ALPK2: variants seen among roughly 807,000 people sequenced by gnomAD.
ALPK2 encodes alpha-protein kinase 2.
ALPK2 carries 127 observed loss-of-function variants against 163.1 expected under a neutral mutation model. The observed-to-expected ratio is 0.78, with a 90% CI of 0.67 to 0.90. The LOEUF is 0.90. Among genes scored for constraint, ALPK2 ranks in the 40% least tolerant of loss-of-function variants. The pLI, the probability that ALPK2 is intolerant of heterozygous loss-of-function variation, is 0.00. For synonymous variants in ALPK2, 953 were observed against 959.1 expected, an observed-to-expected ratio of 0.99 and a Z score of 0.12; for missense variants, 2,360 against 2,589.6, an observed-to-expected ratio of 0.91 and a Z score of 1.92.
intron 12 of ALPK2, among the ~76,000 whole-genome samples, chr18:58,488,818 C>T (rs1369505066): frequency 2.6e-5 from 4 of 151,988 alleles, no homozygotes; most frequent in African/African-American, 9.7e-5. Context: ...CCAGGCTGGA[C>T]TTAGGCTCCG....
chr18:58,617,973 C>T (rs572825812), intron 1 of ALPK2, among the ~76,000 whole-genome samples: 1 of 152,198 alleles, frequency 6.6e-6, no homozygotes, highest in Non-Finnish European at 1.5e-5. Flanking sequence ...TCCTTAGACA[C>T]ATAACTGGTC....
rs779097128 is a variant in ALPK2, at chr18:58,535,512, TG to T, written c.4674del (p.His1558GlnfsTer15). On this transcript the variant is annotated frameshift_variant, in exon 5 of 13. Transcript: ENST00000361673. ...ACGTCATGAATTTGGCCTGTGGAGT[TG>T]TGCGTGTCAACCCCAAGAGAAGCGT... ...MTHASLGVDT[H>X]NSTGQIHDVP... is the part of the protein sequence containing the mutation. 6.2e-7 allele frequency: 1 copy of T among 1,614,198 alleles called. No homozygotes were observed. The highest frequency in any genetic ancestry group is 8.5e-7 in the Non-Finnish European group (1 of 1,180,004).
intron 3 of ALPK2, among the ~76,000 whole-genome samples, chr18:58,589,998 A>T (rs1251477411): frequency 6.6e-6 from 1 of 151,928 alleles, no homozygotes; most frequent in African/African-American, 2.4e-5. Flanking sequence ...CAGGTGGATC[A>T]CTTGAGGTCA....
chr18:58,605,610 G>A (rs897727255), intron 3 of ALPK2, among the ~76,000 whole-genome samples: 2 of 152,210 alleles, frequency 1.3e-5, no homozygotes, highest in East Asian at 1.9e-4. Flanking sequence ...GATCAAAGGA[G>A]AAGAGAATGT....
chr18:58,520,757 C>G (rs1003459318), intron 8 of ALPK2, among the ~76,000 whole-genome samples: 1 of 152,084 alleles, frequency 6.6e-6, no homozygotes, highest in East Asian at 1.9e-4. Flanking sequence ...AATTAGAGAC[C>G]ATCTTGTAAA....
intron 5 of ALPK2, among the ~76,000 whole-genome samples, chr18:58,533,266 T>C (rs114635705): frequency 7.6e-4 from 116 of 152,242 alleles, no homozygotes; most frequent in African/African-American, 2.7e-3. Flanking sequence ...CTCTTACCCA[T>C]GGGTAACTTG....
Position 58,536,232 on chromosome 18 carries a change from G to T in ALPK2, c.3955C>A (p.Pro1319Thr), listed in dbSNP as rs1342928024. ...CTTCTCCAATGTACACTGATGGTGG[G>T]CTCTTCGCCTTTATGGCTTTCTCTG... is the stretch of plus-strand genomic sequence containing the variant. ...DSRESHKGEE[P>T]TISVHWRSLS... is the part of the protein sequence containing the mutation. The change falls in exon 5 of 13, where the codon CCC becomes ACC. Residue 1319 changes from proline to threonine, a missense_variant. Physicochemically the swap from Pro to Thr is conservative, Grantham distance 38. Transcript: ENST00000361673. 9 of 1,614,070 alleles carry T rather than the reference G, an allele frequency of 5.6e-6. No individual in the cohort carries two copies. Among genetic ancestry groups the T allele is most frequent in the Non-Finnish European group, 7.6e-6 (9 of 1,180,036 alleles).
intron 1 of ALPK2, among the ~76,000 whole-genome samples, chr18:58,622,523 A>G (rs2052207296): frequency 6.6e-6 from 1 of 152,180 alleles, no homozygotes; most frequent in Admixed American, 6.5e-5. Context: ...CATGTACTGC[A>G]TTGAAAGGAT....
At chr18:58,603,438 G>A (rs911742778) in intron 3 of ALPK2, among the ~76,000 whole-genome samples, 7 of 152,172 alleles carry the variant, frequency 4.6e-5, no homozygotes, top group Admixed American at 1.3e-4. Flanking sequence ...CAGCCTAGCC[G>A]ATGCCAGGGC....
rs538412251 is a variant in ALPK2, at chr18:58,567,300, C to T, written c.1962+11514G>A. 5.9e-5 allele frequency among the ~76,000 whole-genome samples: 9 copies of T among 152,102 alleles called. 1 individual carries two copies. The South Asian group carries it at 1.9e-3, about 32-fold the overall frequency. ...TCGGAAGGCTGAGACAAGAGAATCG[C>T]TTGAACCTGGGAGGCGGAGGTTGCA... is the stretch of plus-strand genomic sequence containing the variant. On this transcript the variant is annotated intron_variant, in intron 4 of 12. Coordinates refer to ENST00000361673, the MANE Select transcript of ALPK2 (RefSeq NM_052947.4).
At chr18:58,607,726 T>G (rs1267312783) in intron 2 of ALPK2, among the ~76,000 whole-genome samples, 7 of 152,192 alleles carry the variant, frequency 4.6e-5, no homozygotes, top group Non-Finnish European at 8.8e-5. Flanking sequence ...AGAAAAATTT[T>G]CCAATACTTG....
At chr18:58,598,622 A>G (rs2052052984) in intron 3 of ALPK2, among the ~76,000 whole-genome samples, 1 of 152,140 alleles carries the variant, frequency 6.6e-6, no homozygotes. Flanking sequence ...CTCTCGCTAC[A>G]TCGTCGGGGC....
intron 6 of ALPK2, among the ~76,000 whole-genome samples, chr18:58,526,032 G>A (rs1314644010): frequency 6.0e-5 from 9 of 149,788 alleles, no homozygotes; most frequent in Non-Finnish European, 1.0e-4. Flanking sequence ...GGAGGAAATG[G>A]ACAAACAGAA....
At chr18:58,538,294 C>T in intron 4 of ALPK2, 70 bp from the exon 5 acceptor site, 7 of 1,347,892 alleles carry the variant, frequency 5.2e-6, no homozygotes, top group Non-Finnish European at 7.1e-6. Flanking sequence ...TAACTGCAAT[C>T]CCAAGAGTGT....
chr18:58,499,474 G>A (rs1334558888), intron 11 of ALPK2, among the ~76,000 whole-genome samples: 2 of 152,186 alleles, frequency 1.3e-5, no homozygotes, highest in Non-Finnish European at 2.9e-5. Flanking sequence ...GGAAAGTAAA[G>A]CACTTCCCTG....
intron 12 of ALPK2, among the ~76,000 whole-genome samples, chr18:58,495,030 CTGCCCCATGCCCCA>C (rs72279315): frequency 6.6e-5 from 10 of 151,552 alleles, no homozygotes; most frequent in Non-Finnish European, 8.8e-5. Flanking sequence ...AGCAAGCAGG[CTGCCCCATGCCCCA>C]TGCCCCATGC....
At chr18:58,511,418 T>C (rs2051489775) in intron 10 of ALPK2, among the ~76,000 whole-genome samples, 1 of 152,196 alleles carries the variant, frequency 6.6e-6, no homozygotes, top group Admixed American at 6.5e-5. Flanking sequence ...GGTGAACCCA[T>C]CCAGCGGTTA....
rs558401236 is a variant in ALPK2, at chr18:58,523,498, C to A, written c.5665+308G>T. On this transcript the variant is annotated intron_variant, in intron 8 of 12. Transcript: ENST00000361673. ...CCCTGAGGAATCACCACACCGACTT[C>A]CACAATGGTTGAACTAGTTTACAGT... Among the ~76,000 whole-genome samples, 39 of 152,294 alleles carry A rather than the reference C, an allele frequency of 2.6e-4. 1 individual carries two copies. The South Asian group carries it at 7.9e-3, about 31-fold the overall frequency.
chr18:58,601,616 C>T (rs1405584532), intron 3 of ALPK2, among the ~76,000 whole-genome samples: 2 of 152,152 alleles, frequency 1.3e-5, no homozygotes, highest in Non-Finnish European at 2.9e-5. Flanking sequence ...CAGTACTGTC[C>T]TCCTGGGGGA....
Sources: gnomAD v4.1 joint callset for allele counts (sites outside exome capture counted in the v4.1 genomes callset) on GRCh38, gnomAD v4.1.1 for gene constraint, MANE v1.5 for transcripts, NCBI Gene and HGNC (gene_info 2026-07-23, HGNC 2026-07-21) for gene names.